The following FAM120B variants were observed in gnomAD, a reference collection of about 807,000 sequenced individuals.
The protein encoded by FAM120B is constitutive coactivator of peroxisome proliferator-activated receptor gamma.
FAM120B carries 83 observed loss-of-function variants against 96.3 expected under a neutral mutation model. That is an observed-to-expected ratio of 0.86 (90% CI 0.72 to 1.03). FAM120B has a LOEUF of 1.03. FAM120B is among the 50% of genes least tolerant of loss of function. FAM120B has a pLI of 0.00. For synonymous variants in FAM120B, 407 were observed against 402.7 expected (o/e 1.01, Z -0.13); for missense variants, 1,027 against 1,121.2 (o/e 0.92, Z 1.20).
intron 6 of FAM120B, among the ~76,000 whole-genome samples, chr6:170,371,722 C>T (rs1238433726): frequency 6.6e-6 from 1 of 152,234 alleles, no homozygotes; most frequent in Non-Finnish European, 1.5e-5. Flanking sequence ...CCCCTCTGTG[C>T]TCCTAGCACG....
Position 170,314,346 on chromosome 6 carries a change from T to C in FAM120B, c.-21-3024T>C, listed in dbSNP as rs1784769216. 2.0e-5 allele frequency among the ~76,000 whole-genome samples: 3 copies of C among 152,224 alleles called. No individual in the cohort carries two copies. In the South Asian group the frequency reaches 6.2e-4, roughly 32 times the overall value. On this transcript the variant is annotated intron_variant, in intron 1 of 10. Coordinates refer to ENST00000476287, the MANE Select transcript of FAM120B (RefSeq NM_032448.3). ...CTGATTTCTCTTTATATACTGTCCT[T>C]GGATTAATTCATTTATTTATTCAAA...
At chr6:170,330,726 G>A in intron 4 of FAM120B, 176 bp downstream of exon 4, 1 of 607,046 alleles carries the variant, frequency 1.6e-6, no homozygotes, top group Non-Finnish European at 2.9e-6. Context: ...AATAATGGAA[G>A]GATGATGCTG....
At chr6:170,380,461 GC>G (rs1254864373) in intron 6 of FAM120B, among the ~76,000 whole-genome samples, 1 of 152,142 alleles carries the variant, frequency 6.6e-6, no homozygotes, top group South Asian at 2.1e-4. Context: ...CAATTTACAT[GC>G]CCACCAACAG....
Position 170,307,371 on chromosome 6 carries a change from A to T in FAM120B, c.-22+529A>T, listed in dbSNP as rs114451529. Among the ~76,000 whole-genome samples, 737 of 152,340 alleles carry T rather than the reference A, an allele frequency of 4.8e-3. 9 individuals are homozygous for T. Among genetic ancestry groups the T allele is most frequent in the African/African-American group, 0.017 (704 of 41,566 alleles). Reference sequence around the variant, plus strand: ...AGACAGAAAGACAGGGTTCCCTGCCAGCAAGGAGTTTGCAGACCCGTGGGA... The same window carrying T: ...AGACAGAAAGACAGGGTTCCCTGCCTGCAAGGAGTTTGCAGACCCGTGGGA... On this transcript the variant is annotated intron_variant, in intron 1 of 10. Coordinates refer to ENST00000476287, the MANE Select transcript of FAM120B (RefSeq NM_032448.3).
At chr6:170,337,388 A>T (rs1786508892) in intron 4 of FAM120B, among the ~76,000 whole-genome samples, 1 of 152,154 alleles carries the variant, frequency 6.6e-6, no homozygotes, top group African/African-American at 2.4e-5. Context: ...AGCCGACCTG[A>T]TCGTGGTGGA....
chr6:170,340,233 A>G (rs1049083914), intron 4 of FAM120B, among the ~76,000 whole-genome samples: 26 of 151,966 alleles, frequency 1.7e-4, no homozygotes, highest in African/African-American at 5.6e-4. Flanking sequence ...CCTTATTTCA[A>G]TATGTTGATC....
chr6:170,396,958 G>A (rs891134475), intron 9 of FAM120B, among the ~76,000 whole-genome samples: 2 of 152,248 alleles, frequency 1.3e-5, no homozygotes, highest in Admixed American at 1.3e-4. Context: ...GCAGTCCTGT[G>A]TGATGCATGT....
chr6:170,323,264 G>A lies in FAM120B; in HGVS notation c.1915+5G>A, dbSNP rs775046970. 4.3e-6 allele frequency: 7 copies of A among 1,610,170 alleles called. No homozygotes were observed. In the African/African-American group the frequency reaches 6.7e-5, roughly 15 times the overall value. ...TCTTACTGGAGGACTGTCAAGGTGAGAATTGGTTGGTCCCTCTTAGTAAAG... is the reference window on the plus strand; with the variant it reads ...TCTTACTGGAGGACTGTCAAGGTGAAAATTGGTTGGTCCCTCTTAGTAAAG... On this transcript the variant is annotated splice_donor_5th_base_variant and intron_variant, in intron 3 of 10. Transcript: ENST00000476287.
chr6:170,402,655 G>A (rs1369980277), intron 9 of FAM120B, among the ~76,000 whole-genome samples: 1 of 152,240 alleles, frequency 6.6e-6, no homozygotes. Context: ...AAAAGGAGGA[G>A]ACAGTTGGGC....
intron 4 of FAM120B, among the ~76,000 whole-genome samples, chr6:170,332,193 A>G (rs1162282622): frequency 6.6e-6 from 1 of 152,220 alleles, no homozygotes; most frequent in Non-Finnish European, 1.5e-5. Context: ...TGAATTTTTT[A>G]TTCCAGATTA....
At chr6:170,403,638 A>G (rs1354260212) in intron 9 of FAM120B, among the ~76,000 whole-genome samples, 1 of 152,166 alleles carries the variant, frequency 6.6e-6, no homozygotes, top group Non-Finnish European at 1.5e-5. Context: ...AAGGCTGCTC[A>G]AGTGAGAAGG....
intron 6 of FAM120B, among the ~76,000 whole-genome samples, chr6:170,374,115 C>T (rs1789368073): frequency 6.6e-6 from 1 of 152,190 alleles, no homozygotes. Context: ...TAAAAAGCAT[C>T]TTGGGTTAAA....
chr6:170,357,329 A>C (rs1156785858), intron 5 of FAM120B, among the ~76,000 whole-genome samples: 1 of 151,990 alleles, frequency 6.6e-6, no homozygotes, highest in Non-Finnish European at 1.5e-5. Context: ...GGGGCAGGGG[A>C]AGGGGTGGCA....
At chr6:170,300,137 G>A (rs1051029031) in intron 1 of FAM120B, among the ~76,000 whole-genome samples, 1 of 152,168 alleles carries the variant, frequency 6.6e-6, no homozygotes, top group Non-Finnish European at 1.5e-5. Context: ...CTTGAGACTG[G>A]GTAATTTATA....
chr6:170,378,986 C>T (rs746651810), intron 6 of FAM120B, among the ~76,000 whole-genome samples: 2 of 152,198 alleles, frequency 1.3e-5, no homozygotes, highest in African/African-American at 2.4e-5. Context: ...GGGACGGGGC[C>T]GGAGCCATGG....
intron 5 of FAM120B, among the ~76,000 whole-genome samples, chr6:170,350,635 G>T (rs933976258): frequency 6.6e-6 from 1 of 152,158 alleles, no homozygotes; most frequent in Non-Finnish European, 1.5e-5. Context: ...GTACCTCTAG[G>T]TATGGGAGAA....
chr6:170,307,237 A>G lies in FAM120B; in HGVS notation c.-22+395A>G, dbSNP rs191682399. Among the ~76,000 whole-genome samples, 210 of 152,282 alleles carry G rather than the reference A, an allele frequency of 1.4e-3. 1 individual carries two copies. Among genetic ancestry groups the G allele is most frequent in the African/African-American group, 4.8e-3 (198 of 41,556 alleles). On this transcript the variant is annotated intron_variant, in intron 1 of 10. Coordinates refer to ENST00000476287, the MANE Select transcript of FAM120B (RefSeq NM_032448.3). The stretch of plus-strand genomic sequence containing the variant: ...AGCTGTTATCCTTCGTAGCTGCACG[A>G]CTTTTCTGGTCGTCTCTAGAAGAGA...
At chr6:170,366,783 G>A (rs1311327248) in intron 6 of FAM120B, among the ~76,000 whole-genome samples, 1 of 152,236 alleles carries the variant, frequency 6.6e-6, no homozygotes, top group Non-Finnish European at 1.5e-5. Flanking sequence ...AGTACACAAA[G>A]TGAACAGTGT....
intron 1 of FAM120B, among the ~76,000 whole-genome samples, chr6:170,315,489 G>A (rs982111843): frequency 2.0e-5 from 3 of 152,096 alleles, no homozygotes; most frequent in Non-Finnish European, 4.4e-5. Flanking sequence ...TACAGTTGAC[G>A]TAATCACACT....
Sources: allele counts gnomAD v4.1 joint callset (sites outside exome capture counted in the v4.1 genomes callset), GRCh38; gene constraint gnomAD v4.1.1; transcripts MANE v1.5; gene names NCBI Gene and HGNC (gene_info 2026-07-23, HGNC 2026-07-21).